KHDRBS2: variants seen among roughly 807,000 people sequenced by gnomAD.
KHDRBS2 encodes the protein KH RNA binding domain containing, signal transduction associated 2, also known as KH domain-containing, RNA-binding, signal transduction-associated protein 2.
KHDRBS2 carries 26 observed loss-of-function variants against 44.3 expected under a neutral mutation model. That is an observed-to-expected ratio of 0.59 (90% CI 0.43 to 0.81). The LOEUF (loss-of-function observed/expected upper bound fraction) is 0.81. Ranked by LOEUF, KHDRBS2 falls within the 40% of genes least tolerant of loss-of-function variation. The pLI, the probability that KHDRBS2 is intolerant of heterozygous loss-of-function variation, is 0.00. For missense variants in KHDRBS2, 476 were observed against 433.1 expected (o/e 1.10, Z -0.88); for synonymous variants, 194 against 151.1 (o/e 1.28, Z -2.08).
chr6:61,978,249 T>A (rs1773119978), intron 3 of KHDRBS2, 37 bp from the exon 4 acceptor site: 1 of 1,505,154 alleles, frequency 6.6e-7, no homozygotes, highest in African/African-American at 1.4e-5. Flanking sequence ...ACAAATCCAC[T>A]CATTTTACAT....
At chr6:61,880,427 A>G (rs779240251) in intron 6 of KHDRBS2, among the ~76,000 whole-genome samples, 1 of 151,904 alleles carries the variant, frequency 6.6e-6, no homozygotes, top group Non-Finnish European at 1.5e-5. Flanking sequence ...TGAAACAATC[A>G]TATTCTGTTG....
chr6:61,796,196 T>G (rs1375532701), intron 6 of KHDRBS2, among the ~76,000 whole-genome samples: 1 of 152,092 alleles, frequency 6.6e-6, no homozygotes, highest in South Asian at 2.1e-4. Context: ...TTTGGCTTCA[T>G]TATTATTTTT....
intron 4 of KHDRBS2, among the ~76,000 whole-genome samples, chr6:61,941,283 C>T (rs1812077519): frequency 6.6e-6 from 1 of 152,176 alleles, no homozygotes; most frequent in Admixed American, 6.5e-5. Context: ...CATTACATTA[C>T]AGTCACCACC....
chr6:62,278,861 G>A (rs1264740210), intron 1 of KHDRBS2, among the ~76,000 whole-genome samples: 8 of 152,272 alleles, frequency 5.3e-5, no homozygotes, highest in South Asian at 2.1e-4. Flanking sequence ...TTGGGAGGCC[G>A]AGGTGGGCGG....
chr6:61,765,708 T>C (rs947223190), intron 6 of KHDRBS2, among the ~76,000 whole-genome samples: 2 of 152,126 alleles, frequency 1.3e-5, no homozygotes, highest in African/African-American at 4.8e-5. Flanking sequence ...TAAAGCATTG[T>C]TGAATTTTAT....
At chr6:62,168,112 T>C (rs1187119915) in intron 2 of KHDRBS2, among the ~76,000 whole-genome samples, 1 of 152,158 alleles carries the variant, frequency 6.6e-6, no homozygotes, top group African/African-American at 2.4e-5. Context: ...GAGATGGTTT[T>C]AAACACATTT....
At chr6:61,603,799 A>G in the KHDRBS2 span, among the ~76,000 whole-genome samples, 3 of 152,062 alleles carry the variant, frequency 2.0e-5, no homozygotes, top group Non-Finnish European at 2.9e-5. Flanking sequence ...CTGGCCTTCA[A>G]TCCAGCCTCC....
At chr6:61,985,475 C>T (rs534039517) in intron 3 of KHDRBS2, among the ~76,000 whole-genome samples, 7 of 152,136 alleles carry the variant, frequency 4.6e-5, no homozygotes, top group African/African-American at 1.7e-4. Flanking sequence ...GTAGTTTGCT[C>T]TTGTGGCTCC....
chr6:61,577,157 C>A, the KHDRBS2 span, among the ~76,000 whole-genome samples: 1 of 150,256 alleles, frequency 6.7e-6, no homozygotes, highest in East Asian at 1.9e-4. Flanking sequence ...TTTTTTTTAA[C>A]CATCAAGTTT....
At chr6:61,986,599 C>T (rs184781538) in intron 3 of KHDRBS2, among the ~76,000 whole-genome samples, 2 of 152,260 alleles carry the variant, frequency 1.3e-5, no homozygotes, top group Admixed American at 1.3e-4. Flanking sequence ...TTAGTCTGGT[C>T]AGGCTGCTAC....
chr6:61,821,753 A>C (rs1789949519), intron 6 of KHDRBS2, among the ~76,000 whole-genome samples: 1 of 151,542 alleles, frequency 6.6e-6, no homozygotes, highest in Non-Finnish European at 1.5e-5. Flanking sequence ...TGTCCTATGG[A>C]TTGCTTCCAT....
intron 2 of KHDRBS2, 147 bp downstream of exon 2, chr6:62,177,038 C>T: frequency 2.3e-6 from 1 of 428,602 alleles, no homozygotes; most frequent in Non-Finnish European, 3.9e-6. Flanking sequence ...CAAAAGTTTT[C>T]CTTCCCCTAT....
chr6:61,903,642 A>G (rs1382198093), intron 4 of KHDRBS2, among the ~76,000 whole-genome samples: 1 of 152,172 alleles, frequency 6.6e-6, no homozygotes, highest in East Asian at 1.9e-4. Context: ...ATATCCTTAG[A>G]TAGTTTCCAC....
At chr6:61,853,229 C>G (rs1795706735) in intron 6 of KHDRBS2, among the ~76,000 whole-genome samples, 1 of 152,114 alleles carries the variant, frequency 6.6e-6, no homozygotes, top group Non-Finnish European at 1.5e-5. Context: ...TTTGCTTAAG[C>G]TACAACTCTC....
At chr6:62,195,723 C>T (rs1431106629) in intron 1 of KHDRBS2, among the ~76,000 whole-genome samples, 6 of 152,002 alleles carry the variant, frequency 3.9e-5, no homozygotes, top group Admixed American at 2.0e-4. Flanking sequence ...TATAAAAATA[C>T]ACAAAGTGTG....
Position 62,206,883 on chromosome 6 carries a change from C to T in KHDRBS2, c.92-29571G>A, listed in dbSNP as rs938703029. ...TAAAGTTTGACTTCAGTAAAAATTCCTTAATTTGTTTTAACTTGAAATTTC... is the reference window on the plus strand; with the variant it reads ...TAAAGTTTGACTTCAGTAAAAATTCTTTAATTTGTTTTAACTTGAAATTTC... On this transcript the variant is annotated intron_variant, in intron 1 of 8. Transcript: ENST00000281156. Among the ~76,000 whole-genome samples, 7 of 151,964 alleles carry T rather than the reference C, an allele frequency of 4.6e-5. No individual in the cohort carries two copies. In the East Asian group the frequency reaches 1.4e-3, roughly 29 times the overall value.
chr6:61,681,176 C>T, intron 8 of KHDRBS2, 116 bp from the exon 9 acceptor site: 1 of 678,128 alleles, frequency 1.5e-6, no homozygotes, highest in Non-Finnish European at 2.6e-6. Context: ...ACACCGAACG[C>T]TAAAGCCTAT....
chr6:61,946,295 A>C (rs796285695), intron 4 of KHDRBS2, among the ~76,000 whole-genome samples: 16 of 152,346 alleles, frequency 1.1e-4, no homozygotes, highest in African/African-American at 3.8e-4. Flanking sequence ...AAAGAATAGC[A>C]TGTATTTAAC....
rs1336186258 is a variant in KHDRBS2 at position 61,954,691 on chromosome 6, T to G, written c.483+23375A>C. On this transcript the variant is annotated intron_variant, in intron 4 of 8. Coordinates refer to ENST00000281156, the MANE Select transcript of KHDRBS2 (RefSeq NM_152688.4). Reference sequence around the variant, plus strand: ...GTATATACACATACATACTTATGTATACATACATATGTGTATATACACATG... The same window carrying G: ...GTATATACACATACATACTTATGTAGACATACATATGTGTATATACACATG... 1.6e-5 allele frequency among the ~76,000 whole-genome samples: 2 copies of G among 122,830 alleles called. 1 individual carries two copies. The highest frequency in any genetic ancestry group is 5.4e-4 in the East Asian group (2 of 3,730). The allele number at this position is 122,830 out of a possible 152,430, so 80.6% of individuals were successfully genotyped here.
Sources: allele counts gnomAD v4.1 joint callset (sites outside exome capture counted in the v4.1 genomes callset), GRCh38; gene constraint gnomAD v4.1.1; transcripts MANE v1.5; gene names NCBI Gene and HGNC (gene_info 2026-07-23, HGNC 2026-07-21).